Variants in C9orf72 observed in about 807,000 individuals in gnomAD.
The protein encoded by C9orf72 is C9orf72-SMCR8 complex subunit, also known as guanine nucleotide exchange factor C9orf72.
Under a neutral mutation model 51.6 loss-of-function variants are expected in C9orf72, and 44 were observed. That is an observed-to-expected ratio of 0.85 (90% CI 0.67 to 1.10). The LOEUF (loss-of-function observed/expected upper bound fraction) is 1.10. C9orf72 is among the 50% of genes least tolerant of loss of function. The probability of loss-of-function intolerance (pLI) is 0.00; values close to 1 mark genes in which losing one functional copy is unlikely to be tolerated. For missense variants in C9orf72, 607 were observed against 570.6 expected (o/e 1.06, Z -0.65); for synonymous variants, 213 against 194.2 (o/e 1.10, Z -0.81).
chr9:27,564,411 C>T (rs976938916), intron 3 of C9orf72, among the ~76,000 whole-genome samples: 1 of 152,164 alleles, frequency 6.6e-6, no homozygotes, highest in African/African-American at 2.4e-5. Flanking sequence ...GTTTCCTCAA[C>T]TTGCGATAAG....
intron 9 of C9orf72, among the ~76,000 whole-genome samples, chr9:27,549,896 T>C (rs1256861642): frequency 6.6e-6 from 1 of 151,538 alleles, no homozygotes; most frequent in Non-Finnish European, 1.5e-5. Flanking sequence ...CATTAATAAG[T>C]CAAAAGGAAA....
intron 2 of C9orf72, 120 bp from the exon 3 acceptor site, chr9:27,565,710 G>C (rs1490300459): frequency 6.4e-6 from 4 of 629,268 alleles, no homozygotes; most frequent in Non-Finnish European, 1.1e-5. Flanking sequence ...TTCTACTTTA[G>C]GGAAAAAATG....
At chr9:27,570,435 A>G (rs1338064705) in intron 1 of C9orf72, among the ~76,000 whole-genome samples, 1 of 152,228 alleles carries the variant, frequency 6.6e-6, no homozygotes, top group Admixed American at 6.5e-5. Flanking sequence ...TCATCATTAA[A>G]CTGAAAATAA....
Position 27,546,958 on chromosome 9 carries a change from A to G in C9orf72, c.*1278T>C, listed in dbSNP as rs995987748. The G allele has an allele frequency of 6.6e-6, 1 of 152,090 alleles. No individual in the cohort carries two copies. The highest frequency in any genetic ancestry group is 1.5e-5 in the Non-Finnish European group (1 of 68,010). The allele number at this position is 152,090 out of a possible 1,614,324, so 9.4% of individuals were successfully genotyped here. A position where few individuals can be genotyped will look rare whatever the true frequency, so the allele number is the denominator to read the frequency against. On this transcript the variant is annotated 3_prime_UTR_variant, in exon 11 of 11. Coordinates refer to ENST00000380003, the MANE Select transcript of C9orf72 (RefSeq NM_018325.5). ...ACCTTTATCCCTTTCTTATAAATAT[A>G]TTTTCCCTTTTATATTACTTCCAGA...
At chr9:27,555,570 T>C (rs2131533152) in intron 8 of C9orf72, among the ~76,000 whole-genome samples, 1 of 151,964 alleles carries the variant, frequency 6.6e-6, no homozygotes, top group East Asian at 1.9e-4. Context: ...TTTTTTTTTT[T>C]TTTTTTTAAA....
chr9:27,570,358 T>G lies in C9orf72; in HGVS notation c.-45+3073A>C, dbSNP rs147410077. ...ACCATAAAATTATATTGCAAACATA[T>G]TTTTCTTTCATTCTTTTAGGTTAAA... On this transcript the variant is annotated intron_variant, in intron 1 of 10. Transcript: ENST00000380003. 8.3e-3 allele frequency among the ~76,000 whole-genome samples: 1,260 copies of G among 152,306 alleles called. 22 individuals carry two copies. The highest frequency in any genetic ancestry group is 9.8e-3 in the Non-Finnish European group (666 of 68,026).
At chr9:27,557,858 A>G (rs1288941287) in intron 7 of C9orf72, among the ~76,000 whole-genome samples, 1 of 151,968 alleles carries the variant, frequency 6.6e-6, no homozygotes, top group Non-Finnish European at 1.5e-5. Context: ...TCAAGAAAGT[A>G]GTCACTATGA....
intron 5 of C9orf72, chr9:27,560,811 A>C: frequency 1.0e-6 from 1 of 956,454 alleles, no homozygotes; most frequent in Non-Finnish European, 1.2e-6. Context: ...CTCTTTTATT[A>C]AAAGTAAAAT....
chr9:27,564,423 T>C (rs2484320), intron 3 of C9orf72, among the ~76,000 whole-genome samples: 141,643 of 152,252 alleles, frequency 0.93, 66,720 homozygotes, highest in East Asian at 1. Flanking sequence ...TGCGATAAGT[T>C]TACTTAATTA....
At chr9:27,571,903 C>T (rs1819594258) in intron 1 of C9orf72, among the ~76,000 whole-genome samples, 1 of 152,232 alleles carries the variant, frequency 6.6e-6, no homozygotes, top group Admixed American at 6.5e-5. Flanking sequence ...ACAACACTTT[C>T]TCAATCTTCA....
chr9:27,552,515 ATTTTTTTTTT>A (rs71492751), intron 8 of C9orf72, among the ~76,000 whole-genome samples: 1 of 105,648 alleles, frequency 9.5e-6, no homozygotes, highest in East Asian at 2.9e-4. Context: ...TACCAAGCTA[ATTTTTTTTTT>A]TTTTTTTTTT....
At chr9:27,566,371 G>A (rs997510903) in intron 2 of C9orf72, among the ~76,000 whole-genome samples, 6 of 152,070 alleles carry the variant, frequency 3.9e-5, no homozygotes, top group Non-Finnish European at 8.8e-5. Context: ...GCAATGAAAG[G>A]GAAACAAAAG....
At chr9:27,552,079 T>C (rs1008642442) in intron 8 of C9orf72, among the ~76,000 whole-genome samples, 1 of 152,174 alleles carries the variant, frequency 6.6e-6, no homozygotes, top group Non-Finnish European at 1.5e-5. Context: ...GGTACAGAAT[T>C]ATACTGCCTG....
chr9:27,572,111 G>A (rs1455706211), intron 1 of C9orf72, among the ~76,000 whole-genome samples: 1 of 152,240 alleles, frequency 6.6e-6, no homozygotes, highest in Non-Finnish European at 1.5e-5. Context: ...AAATTGTGGA[G>A]TGCCAACATA....
chr9:27,568,810 TG>T (rs557325190), intron 1 of C9orf72, among the ~76,000 whole-genome samples: 1 of 152,234 alleles, frequency 6.6e-6, no homozygotes, highest in East Asian at 1.9e-4. Context: ...TGCCTTTTAT[TG>T]TTATTTTAGA....
chr9:27,553,471 G>A (rs1296511880), intron 8 of C9orf72, among the ~76,000 whole-genome samples: 2 of 152,132 alleles, frequency 1.3e-5, no homozygotes, highest in East Asian at 1.9e-4. Flanking sequence ...AAAGGACTCC[G>A]TATTCAATAA....
Position 27,560,318 on chromosome 9 carries a change from A to C in C9orf72, c.666-19T>G, listed in dbSNP as rs768696956. The stretch of plus-strand genomic sequence containing the variant: ...GATGGCACTGTAAGTTAAAGAAAAC[A>C]GATTAAAAACATTGCCTATAAAACA... On this transcript the variant is annotated intron_variant, in intron 5 of 10. Transcript: ENST00000380003. 5.7e-6 allele frequency: 9 copies of C among 1,589,854 alleles called. No individual in the cohort carries two copies. Among genetic ancestry groups the C allele is most frequent in the Non-Finnish European group, 7.7e-6 (9 of 1,168,080 alleles).
intron 1 of C9orf72, 115 bp from the exon 2 acceptor site, chr9:27,567,279 C>A (rs1819491771): frequency 1.6e-6 from 1 of 619,720 alleles, no homozygotes; most frequent in Non-Finnish European, 2.8e-6. Flanking sequence ...GATGTGGAAT[C>A]CTGTTATCTC....
chr9:27,572,722 C>T (rs905840354), intron 1 of C9orf72, among the ~76,000 whole-genome samples: 12 of 152,192 alleles, frequency 7.9e-5, no homozygotes, highest in African/African-American at 2.9e-4. Context: ...ACCCAATGAG[C>T]ACACGGACAT....
Sources: gnomAD v4.1 joint callset for allele counts (sites outside exome capture counted in the v4.1 genomes callset) on GRCh38, gnomAD v4.1.1 for gene constraint, MANE v1.5 for transcripts, NCBI Gene and HGNC (gene_info 2026-07-23, HGNC 2026-07-21) for gene names.